DNAH7: variants seen among roughly 807,000 people sequenced by gnomAD.
The protein encoded by DNAH7 is axonemal beta dynein heavy chain 7.
In DNAH7, 397 loss-of-function variants were observed where a neutral mutation model predicts 444.6. The observed-to-expected ratio is 0.89, with a 90% CI of 0.82 to 0.97. The LOEUF is 0.97. Among genes scored for constraint, DNAH7 ranks in the 50% least tolerant of loss-of-function variants. The pLI is 0.00. For missense variants in DNAH7, 4,902 were observed against 4,800.8 expected (o/e 1.02, Z -0.62); for synonymous variants, 1,636 against 1,624.4 (o/e 1.01, Z -0.17).
Position 195,897,779 on chromosome 2 carries a change from A to C in DNAH7, c.4549-14T>G, listed in dbSNP as rs755298222. 4 of 1,519,710 alleles carry C rather than the reference A, an allele frequency of 2.6e-6. No individual in the cohort carries two copies. The highest frequency in any genetic ancestry group is 1.4e-5 in the African/African-American group (1 of 71,490). The allele number at this position is 1,519,710 out of a possible 1,614,324, so 94.1% of individuals were successfully genotyped here. A position where few individuals can be genotyped will look rare whatever the true frequency, so the allele number is the denominator to read the frequency against. ...TGGATATTTCAGCTAAAAAAAAAAAAAAAAACTCATGAGGATATCTGCATC... is the reference window on the plus strand; with the variant it reads ...TGGATATTTCAGCTAAAAAAAAAAACAAAAACTCATGAGGATATCTGCATC... On this transcript the variant is annotated splice_polypyrimidine_tract_variant and intron_variant, in intron 28 of 64. Coordinates refer to ENST00000312428, the MANE Select transcript of DNAH7 (RefSeq NM_018897.3).
At chr2:195,928,590 T>C (rs7562582) in intron 21 of DNAH7, among the ~76,000 whole-genome samples, 2,569 of 152,260 alleles carry the variant, frequency 0.017, 66 homozygotes, top group African/African-American at 0.058. Context: ...CATGGGCCGT[T>C]ATCACACAAA....
intron 63 of DNAH7, among the ~76,000 whole-genome samples, chr2:195,744,062 T>C (rs746091606): frequency 1.3e-5 from 2 of 152,212 alleles, no homozygotes; most frequent in Non-Finnish European, 2.9e-5. Context: ...GGGCAAGGCA[T>C]TGCCTCACTC....
chr2:195,855,662 A>C, intron 45 of DNAH7, 149 bp downstream of exon 45: 1 of 726,992 alleles, frequency 1.4e-6, no homozygotes, highest in Non-Finnish European at 2.1e-6. Context: ...ACACGAAAAC[A>C]GGCGATGGGC....
intron 36 of DNAH7, among the ~76,000 whole-genome samples, chr2:195,881,208 T>C (rs1050559215): frequency 1.3e-5 from 2 of 152,178 alleles, no homozygotes; most frequent in Non-Finnish European, 2.9e-5. Context: ...CTGTAAGATG[T>C]AATGTTAAAG....
rs1697259405 is a variant in DNAH7, at chr2:196,048,331, G to C, written c.215C>G (p.Pro72Arg). 1 of 1,613,912 alleles carries C rather than the reference G, an allele frequency of 6.2e-7. No homozygotes were observed. Among genetic ancestry groups the C allele is most frequent in the Non-Finnish European group, 8.5e-7 (1 of 1,179,916 alleles). The change falls in exon 4 of 65, where the codon CCA becomes CGA. Residue 72 changes from proline (P) to arginine (R), a missense_variant. By Grantham distance (103) the Pro-to-Arg change is moderately radical. Coordinates refer to ENST00000312428, the MANE Select transcript of DNAH7 (RefSeq NM_018897.3). ...HLSVKQDDES[P>R]EPFSVKNEQS... ...TTCATTTTTAACACTAAATGGTTCT[G>C]GACTCTCATCATCCTGCTTTACACT...
At position 195,858,472 on chromosome 2, in the gene DNAH7, A is replaced by G. The variant is rs1005386198; in HGVS notation, c.8067+2T>C. 2 of 1,591,040 alleles carry G rather than the reference A, an allele frequency of 1.3e-6. No individual in the cohort carries two copies. Among genetic ancestry groups the G allele is most frequent in the African/African-American group, 1.4e-5 (1 of 74,004 alleles). Reference sequence around the variant, plus strand: ...CTAGAAAGTGTATGGCGAAGCTCTTACCTGTGCAGTAAGAGTATCAAGGGC... The same window carrying G: ...CTAGAAAGTGTATGGCGAAGCTCTTGCCTGTGCAGTAAGAGTATCAAGGGC... On this transcript the variant is annotated splice_donor_variant, in intron 43 of 64. Coordinates refer to ENST00000312428, the MANE Select transcript of DNAH7 (RefSeq NM_018897.3). LOFTEE classifies it high-confidence loss of function.
chr2:195,952,363 T>C (rs1690319979), intron 19 of DNAH7, among the ~76,000 whole-genome samples: 1 of 152,182 alleles, frequency 6.6e-6, no homozygotes, highest in Non-Finnish European at 1.5e-5. Context: ...CTTAACATTT[T>C]TTCCTTCATT....
intron 12 of DNAH7, chr2:195,999,297 T>C (rs749044108): frequency 4.9e-5 from 34 of 698,904 alleles, no homozygotes; most frequent in Admixed American, 2.1e-4. Flanking sequence ...ACCACAAGTC[T>C]ATTTTCACAC....
chr2:195,767,480 C>A (rs1694640891), intron 61 of DNAH7, among the ~76,000 whole-genome samples: 1 of 151,858 alleles, frequency 6.6e-6, no homozygotes, highest in Non-Finnish European at 1.5e-5. Flanking sequence ...TACCTTTACT[C>A]CTCCTCCTCA....
intron 27 of DNAH7, chr2:195,903,381 T>C (rs1686822720): frequency 6.6e-6 from 1 of 151,054 alleles, no homozygotes; most frequent in Admixed American, 6.6e-5. Context: ...TTTGTTTTTT[T>C]CCCCTCAATA....
chr2:195,807,276 C>T (rs962020436), intron 53 of DNAH7, among the ~76,000 whole-genome samples: 7 of 152,124 alleles, frequency 4.6e-5, no homozygotes, highest in African/African-American at 1.4e-4. Context: ...CCTGCCTCAG[C>T]CTCCTGAGTA....
chr2:195,934,974 A>T (rs1688952597), intron 20 of DNAH7, among the ~76,000 whole-genome samples, 185 bp from the exon 21 acceptor site: 1 of 152,226 alleles, frequency 6.6e-6, no homozygotes, highest in Admixed American at 6.6e-5. Flanking sequence ...TATATAGTCC[A>T]TTGAGATGTC....
chr2:195,868,574 C>T (rs1700490095), intron 40 of DNAH7, among the ~76,000 whole-genome samples: 1 of 149,918 alleles, frequency 6.7e-6, no homozygotes, highest in Non-Finnish European at 1.5e-5. Flanking sequence ...TGAGTTATAA[C>T]AGTTCTTTAT....
rs79932743 is a variant in DNAH7 at position 196,003,823 on chromosome 2, G to A, written c.990-1965C>T. 2.3e-3 allele frequency among the ~76,000 whole-genome samples: 350 copies of A among 152,242 alleles called. 2 individuals are homozygous for A. Among genetic ancestry groups the A allele is most frequent in the African/African-American group, 7.9e-3 (327 of 41,550 alleles). On this transcript the variant is annotated intron_variant, in intron 10 of 64. Transcript: ENST00000312428. Reference sequence around the variant, plus strand: ...TCTTTATAATTAGTCAAACAAAGATGACAATGCTAAGAGTCTCAGAGTTTC... The same window carrying A: ...TCTTTATAATTAGTCAAACAAAGATAACAATGCTAAGAGTCTCAGAGTTTC...
At chr2:195,884,027 G>C (rs535256342) in intron 35 of DNAH7, among the ~76,000 whole-genome samples, 15 of 152,126 alleles carry the variant, frequency 9.9e-5, no homozygotes, top group Non-Finnish European at 1.6e-4. Context: ...CTGCCCATTG[G>C]GAATGTGGTA....
intron 25 of DNAH7, 128 bp from the exon 26 acceptor site, chr2:195,907,137 C>A: frequency 1.5e-6 from 1 of 646,720 alleles, no homozygotes; most frequent in South Asian, 2.5e-5. Context: ...TCGCCTTTAT[C>A]TTTAAAGGCA....
rs560129714 is a variant in DNAH7 at position 196,067,726 on chromosome 2, T to G, written c.15+971A>C. Among the ~76,000 whole-genome samples the G allele has an allele frequency of 6.6e-5, 10 of 152,264 alleles. No homozygotes were observed. In the East Asian group the frequency reaches 1.9e-3, roughly 29 times the overall value. Reference sequence around the variant, plus strand: ...GTTTTAATACTGTTTCCACAATAAATTCTAACACTACCGAAAAAAGCATTA... The same window carrying G: ...GTTTTAATACTGTTTCCACAATAAAGTCTAACACTACCGAAAAAAGCATTA... On this transcript the variant is annotated intron_variant, in intron 1 of 64. Transcript: ENST00000312428.
chr2:196,030,792 G>A (rs750705793), intron 5 of DNAH7, among the ~76,000 whole-genome samples: 1 of 152,258 alleles, frequency 6.6e-6, no homozygotes, highest in South Asian at 2.1e-4. Flanking sequence ...CAAGAGGTGG[G>A]TTCCCATGGT....
At chr2:195,979,443 A>C (rs1438018710) in intron 15 of DNAH7, among the ~76,000 whole-genome samples, 1 of 152,148 alleles carries the variant, frequency 6.6e-6, no homozygotes, top group Non-Finnish European at 1.5e-5. Context: ...TGGAAACATA[A>C]CATACCAAAA....
Sources: allele counts gnomAD v4.1 joint callset (sites outside exome capture counted in the v4.1 genomes callset), GRCh38; gene constraint gnomAD v4.1.1; transcripts MANE v1.5; gene names NCBI Gene and HGNC (gene_info 2026-07-23, HGNC 2026-07-21).